Variants in OR1J2 observed in about 807,000 individuals in gnomAD.
The protein encoded by OR1J2 is olfactory receptor family 1 subfamily J member 2.
For synonymous variants in OR1J2, 142 were observed against 99.7 expected, an observed-to-expected ratio of 1.42 and a Z score of -2.52; for missense variants, 304 against 246.1, an observed-to-expected ratio of 1.24 and a Z score of -1.57.
chr9:122,470,225 G>A, the OR1J2 span, among the ~76,000 whole-genome samples: 2 of 152,194 alleles, frequency 1.3e-5, no homozygotes, highest in Non-Finnish European at 2.9e-5. Context: ...AGGGCCCAGG[G>A]TCCCCATGCT....
the OR1J2 span, among the ~76,000 whole-genome samples, chr9:122,490,183 A>T: frequency 7.9e-5 from 12 of 152,206 alleles, no homozygotes; most frequent in Non-Finnish European, 1.6e-4. Context: ...GTGATAGGGT[A>T]CCATCATCAG....
chr9:122,559,353 G>A, the OR1J2 span, among the ~76,000 whole-genome samples: 1 of 151,856 alleles, frequency 6.6e-6, no homozygotes, highest in South Asian at 2.1e-4. Context: ...TGCAGAATGT[G>A]CAGGTTTGTT....
chr9:122,451,164 T>C, the OR1J2 span, among the ~76,000 whole-genome samples: 39 of 140,450 alleles, frequency 2.8e-4, no homozygotes, highest in African/African-American at 9.9e-4. Flanking sequence ...TTATTATTAT[T>C]ATTATTATTA....
upstream of OR1J2, among the ~76,000 whole-genome samples, chr9:122,507,643 T>C (rs1196227069): frequency 6.6e-6 from 1 of 152,168 alleles, no homozygotes; most frequent in East Asian, 1.9e-4. Flanking sequence ...TCATATGTGT[T>C]CTATGTTTGT....
the OR1J2 span, among the ~76,000 whole-genome samples, chr9:122,456,597 AT>A: frequency 6.6e-6 from 1 of 152,244 alleles, no homozygotes; most frequent in African/African-American, 2.4e-5. Context: ...TACAGTCTTT[AT>A]AAAAGTAGTT....
the OR1J2 span, among the ~76,000 whole-genome samples, chr9:122,565,370 G>A: frequency 4.6e-5 from 7 of 152,178 alleles, no homozygotes; most frequent in African/African-American, 7.2e-5. Context: ...AGGATGACCC[G>A]TTTTGTGGAT....
the OR1J2 span, among the ~76,000 whole-genome samples, chr9:122,492,910 A>C: frequency 3.3e-5 from 5 of 152,108 alleles, no homozygotes; most frequent in African/African-American, 9.7e-5. Flanking sequence ...TGAAGGTTTT[A>C]ATCGTAAAAG....
chr9:122,531,131 G>A, the OR1J2 span, among the ~76,000 whole-genome samples: 1,690 of 152,270 alleles, frequency 0.011, 31 homozygotes, highest in African/African-American at 0.038. Context: ...GCTTCAAGCC[G>A]GATTAGGGGT....
At chr9:122,535,629 TGG>T in the OR1J2 span, among the ~76,000 whole-genome samples, 1 of 151,996 alleles carries the variant, frequency 6.6e-6, no homozygotes, top group East Asian at 1.9e-4. Flanking sequence ...AGATGTTTCT[TGG>T]GCTGCTGGGT....
chr9:122,533,650 G>T, the OR1J2 span, among the ~76,000 whole-genome samples: 1 of 152,112 alleles, frequency 6.6e-6, no homozygotes, highest in Non-Finnish European at 1.5e-5. Flanking sequence ...AAAAAAGAGT[G>T]CATAAAAGAA....
chr9:122,483,155 A>G, the OR1J2 span, among the ~76,000 whole-genome samples: 1 of 152,168 alleles, frequency 6.6e-6, no homozygotes, highest in Non-Finnish European at 1.5e-5. Flanking sequence ...AAAAAGGTTC[A>G]TCGATTTAAA....
At chr9:122,506,404 T>C (rs1462204820), upstream of OR1J2, among the ~76,000 whole-genome samples, 1 of 152,208 alleles carries the variant, frequency 6.6e-6, no homozygotes, top group East Asian at 1.9e-4. Flanking sequence ...TTCAATCTCC[T>C]ACTCCCTAGA....
the OR1J2 span, among the ~76,000 whole-genome samples, chr9:122,564,984 G>C: frequency 1.3e-5 from 2 of 152,178 alleles, no homozygotes; most frequent in Non-Finnish European, 2.9e-5. Flanking sequence ...TCATTGGTAG[G>C]ACATTTGTGT....
chr9:122,516,334 C>T (rs1299160840), downstream of OR1J2, among the ~76,000 whole-genome samples: 4 of 125,398 alleles, frequency 3.2e-5, no homozygotes, highest in Non-Finnish European at 6.2e-5. Context: ...GACGGAGTCT[C>T]GCTCTGTCGC....
At chr9:122,554,561 T>G in the OR1J2 span, among the ~76,000 whole-genome samples, 1 of 152,206 alleles carries the variant, frequency 6.6e-6, no homozygotes, top group South Asian at 2.1e-4. Flanking sequence ...ATGTTCCTCA[T>G]TATTCCTTAC....
the OR1J2 span, among the ~76,000 whole-genome samples, chr9:122,541,584 G>A: frequency 4.7e-3 from 712 of 152,226 alleles, 3 homozygotes; most frequent in Non-Finnish European, 8.4e-3. Flanking sequence ...ACATAACAAC[G>A]TATGCATACC....
the OR1J2 span, among the ~76,000 whole-genome samples, chr9:122,466,701 C>T: frequency 1.3e-5 from 2 of 152,158 alleles, no homozygotes; most frequent in Non-Finnish European, 2.9e-5. Flanking sequence ...ATTCCCAACT[C>T]CCCCATCTCT....
At chr9:122,522,970 A>G in the OR1J2 span, among the ~76,000 whole-genome samples, 2 of 152,232 alleles carry the variant, frequency 1.3e-5, no homozygotes, top group Non-Finnish European at 2.9e-5. Flanking sequence ...TTTAATCCTC[A>G]TAATAATTCT....
the OR1J2 span, among the ~76,000 whole-genome samples, chr9:122,502,183 A>C: frequency 2.0e-5 from 3 of 152,350 alleles, no homozygotes; most frequent in Middle Eastern, 3.4e-3. Context: ...GCACTGAAGC[A>C]GTAAGGTAAA....
Sources: gnomAD v4.1 joint callset for allele counts (sites outside exome capture counted in the v4.1 genomes callset) on GRCh38, gnomAD v4.1.1 for gene constraint, MANE v1.5 for transcripts, NCBI Gene and HGNC (gene_info 2026-07-23, HGNC 2026-07-21) for gene names.